Variants in ZNF584 observed in about 807,000 individuals in gnomAD.
ZNF584 encodes the protein zinc finger protein 584.
ZNF584 carries 12 observed loss-of-function variants against 14.7 expected under a neutral mutation model. That is an observed-to-expected ratio of 0.82 (90% CI 0.52 to 1.32). The LOEUF (loss-of-function observed/expected upper bound fraction) is 1.32. Ranked by LOEUF, ZNF584 falls within the 40% of genes most tolerant of loss-of-function variation. The pLI is 0.00. For synonymous variants in ZNF584, 204 were observed against 190.9 expected, an observed-to-expected ratio of 1.07 and a Z score of -0.57; for missense variants, 478 against 518.8, an observed-to-expected ratio of 0.92 and a Z score of 0.76.
chr19:58,408,871 G>T lies in ZNF584; in HGVS notation c.-277G>T. 1 of 392,760 alleles carries T rather than the reference G, an allele frequency of 2.5e-6. No individual in the cohort carries two copies. Among genetic ancestry groups the T allele is most frequent in the South Asian group, 7.0e-5 (1 of 14,196 alleles). 24.3% of individuals were successfully genotyped at this position (392,760 alleles called of 1,614,324 possible). On this transcript the variant is annotated 5_prime_UTR_variant, in exon 1 of 4. Coordinates refer to ENST00000306910, the MANE Select transcript of ZNF584 (RefSeq NM_173548.3). ...TCCCCTGCGCGAGGTGAAGGGCAGG[G>T]ACCTTTGCCGCGCCTTCCACGCGCC... is the stretch of plus-strand genomic sequence containing the variant.
Position 58,417,489 on chromosome 19 carries a change from G to C in ZNF584, c.971G>C (p.Arg324Thr). ...ILHQRVHTGE[R>T]PFECKQCGKG... ...CACCAGAGAGTTCACACTGGAGAAA[G>C]GCCTTTTGAATGCAAGCAATGTGGG... The change falls in exon 4 of 4, where the codon AGG becomes ACG. Residue 324 changes from arginine to threonine, a missense_variant. Arg to Thr is a moderately conservative substitution (Grantham distance 71). This residue lies in a region of ZNF584 where 283 missense variants were observed against 317.3 expected (regional missense o/e 0.89). Coordinates refer to ENST00000306910, the MANE Select transcript of ZNF584 (RefSeq NM_173548.3). 1 of 1,614,214 alleles carries C rather than the reference G, an allele frequency of 6.2e-7. No individual in the cohort carries two copies. Among genetic ancestry groups the C allele is most frequent in the Non-Finnish European group, 8.5e-7 (1 of 1,180,042 alleles).
upstream of ZNF584, chr19:58,404,460 A>G (rs2122185696): frequency 6.4e-6 from 1 of 156,170 alleles, no homozygotes; most frequent in Non-Finnish European, 1.4e-5. Context: ...GCCTTCAAGC[A>G]TCTGTTTAAC....
rs1599945344 is a variant in ZNF584, at chr19:58,408,805, C to T, written c.-343C>T. 3.8e-6 allele frequency: 1 copy of T among 259,776 alleles called. No homozygotes were observed. The allele number at this position is 259,776 out of a possible 1,614,324, so 16.1% of individuals were successfully genotyped here. On this transcript the variant is annotated 5_prime_UTR_variant, in exon 1 of 4. Transcript: ENST00000306910. The stretch of plus-strand genomic sequence containing the variant: ...CCTCGGCGGGAAGGCTGTCCCGGCG[C>T]CTCAGGCAGCTCTGCGTGGGCCGGG...
intron 1 of ZNF584, among the ~76,000 whole-genome samples, chr19:58,402,714 C>T (rs981525675): frequency 6.0e-5 from 9 of 149,958 alleles, no homozygotes; most frequent in African/African-American, 2.2e-4. Context: ...CCCAGCTCCT[C>T]GGGAGGCTGA....
In ZNF584 at chr19:58,415,681, C is replaced by T. The variant is rs535857232; in HGVS notation, c.292+35C>T. The T allele has an allele frequency of 1.9e-6, 3 of 1,608,286 alleles. No individual in the cohort carries two copies. In the African/African-American group the frequency reaches 4.0e-5, roughly 21 times the overall value. On this transcript the variant is annotated intron_variant, in intron 3 of 3. Coordinates refer to ENST00000306910, the MANE Select transcript of ZNF584 (RefSeq NM_173548.3). ...GTGGAGGGGAATACCTTGGTTTCAGCAGTGGGCTCACAGAATGCTGAGTAC... is the reference window on the plus strand; with the variant it reads ...GTGGAGGGGAATACCTTGGTTTCAGTAGTGGGCTCACAGAATGCTGAGTAC...
Position 58,417,679 on chromosome 19 carries a change from T to C in ZNF584, c.1161T>C (p.Cys387=), listed in dbSNP as rs2052663807. The C allele has an allele frequency of 1.2e-6, 2 of 1,614,012 alleles. No individual in the cohort carries two copies. Among genetic ancestry groups the C allele is most frequent in the Middle Eastern group, 1.6e-4 (1 of 6,062 alleles). The stretch of plus-strand genomic sequence containing the variant: ...AGAGGTCTTATGAATGTACAGAGTG[T>C]GGGAAGGCCTTCAAACATAGTTCCA... ...TEERSYECTE[C]GKAFKHSSTL... is the part of the protein sequence containing the mutation. The change falls in exon 4 of 4, where the codon TGT becomes TGC. Residue 387 remains cysteine (C), a synonymous_variant. Transcript: ENST00000306910.
At chr19:58,410,540 T>C (rs190412998) in intron 2 of ZNF584, among the ~76,000 whole-genome samples, 1,109 of 24,038 alleles carry the variant, frequency 0.046, 202 homozygotes, top group African/African-American at 0.24. Flanking sequence ...TATATATATA[T>C]ATATATATAT....
intron 2 of ZNF584, among the ~76,000 whole-genome samples, chr19:58,412,501 G>A (rs1169094269): frequency 6.6e-6 from 1 of 151,548 alleles, no homozygotes; most frequent in Non-Finnish European, 1.5e-5. Context: ...GAGCCACCAC[G>A]CCCGGCCTGG....
Position 58,417,733 on chromosome 19 carries a change from T to C in ZNF584, c.1215T>C (p.Thr405=). The C allele has an allele frequency of 3.1e-6, 5 of 1,613,852 alleles. No homozygotes were observed. The highest frequency in any genetic ancestry group is 4.2e-6 in the Non-Finnish European group (5 of 1,179,852). The change falls in exon 4 of 4, where the codon ACT becomes ACC. Residue 405 remains threonine (T), a synonymous_variant. Coordinates refer to ENST00000306910, the MANE Select transcript of ZNF584 (RefSeq NM_173548.3). ...TCCTTCAGCACAAGAAAGTCCATAC[T>C]CCAGAAAGGCGTCAGGAGGACAGGG... ...STLLQHKKVH[T]PERRQEDRAH...
chr19:58,406,344 C>CGGGGGGGGGGGGGGGGGG (rs1171489261), upstream of ZNF584: 1 of 24,394 alleles, frequency 4.1e-5, no homozygotes, highest in Non-Finnish European at 8.9e-5. Context: ...GTGGAAAGAG[C>CGGGGGGGGGGGGGGGGGG]GGGGGGGGGG....
At chr19:58,412,199 CTTTT>C (rs35188048) in intron 2 of ZNF584, among the ~76,000 whole-genome samples, 1 of 83,930 alleles carries the variant, frequency 1.2e-5, no homozygotes. Context: ...CCAGGGTGGT[CTTTT>C]TTTTTTTTTT....
intron 2 of ZNF584, among the ~76,000 whole-genome samples, chr19:58,414,593 C>T (rs532955157): frequency 6.4e-4 from 98 of 152,006 alleles, no homozygotes; most frequent in African/African-American, 2.1e-3. Flanking sequence ...CTGCCCGTCT[C>T]GGCCTCCCAA....
chr19:58,401,890 A>AAC (rs1413865562), intron 1 of ZNF584, among the ~76,000 whole-genome samples: 1 of 143,628 alleles, frequency 7.0e-6, no homozygotes, highest in Non-Finnish European at 1.5e-5. Context: ...CTCCTCAAAA[A>AAC]AAAAAAAAAA....
At position 58,417,509 on chromosome 19, in the gene ZNF584, T is replaced by C. The variant is rs1296149756; in HGVS notation, c.991T>C (p.Cys331Arg). Residue 331 changes from cysteine (C) to arginine (R), a missense_variant, in exon 4 of 4, where the codon TGT becomes CGT. By Grantham distance (180) the Cys-to-Arg change is radical. Coordinates refer to ENST00000306910, the MANE Select transcript of ZNF584 (RefSeq NM_173548.3). Reference sequence around the variant, plus strand: ...AGAAAGGCCTTTTGAATGCAAGCAATGTGGGAAAGGCTACGTGACCCGTTC... The same window carrying C: ...AGAAAGGCCTTTTGAATGCAAGCAACGTGGGAAAGGCTACGTGACCCGTTC... ...TGERPFECKQ[C>R]GKGYVTRSGL... 3 of 1,614,030 alleles carry C rather than the reference T, an allele frequency of 1.9e-6. No homozygotes were observed. The highest frequency in any genetic ancestry group is 1.3e-5 in the African/African-American group (1 of 74,916).
Position 58,417,182 on chromosome 19 carries a change from G to A in ZNF584, c.664G>A (p.Ala222Thr), listed in dbSNP as rs762288947. The change falls in exon 4 of 4, where the codon GCC becomes ACC. Residue 222 changes from alanine (A) to threonine (T), a missense_variant. By Grantham distance (58) the Ala-to-Thr change is moderately conservative. Around this residue, in one of 3 missense-constraint regions of ZNF584, gnomAD observed 283 missense variants for 317.3 expected, o/e 0.89. Transcript: ENST00000306910. ...CCATGTGTGTAATGAATGTGGGAAG[G>A]CCTTCAGTTACCCGTCTAAGCTGAG... ...TAHVCNECGK[A>T]FSYPSKLRKH... 12 of 1,613,606 alleles carry A rather than the reference G, an allele frequency of 7.4e-6. No homozygotes were observed. The African/African-American group carries it at 1.2e-4, about 16-fold the overall frequency.
rs764729900 is a variant in ZNF584, at chr19:58,417,167, A to T, written c.649A>T (p.Asn217Tyr). The change falls in exon 4 of 4, where the codon AAT becomes TAT. Residue 217 changes from asparagine to tyrosine, a missense_variant. By Grantham distance (143) the Asn-to-Tyr change is moderately radical. Around this residue, in one of 3 missense-constraint regions of ZNF584, gnomAD observed 283 missense variants for 317.3 expected, o/e 0.89. Coordinates refer to ENST00000306910, the MANE Select transcript of ZNF584 (RefSeq NM_173548.3). ...IHTGETAHVC[N>Y]ECGKAFSYPS... ...CACTGGAGAAACAGCCCATGTGTGTAATGAATGTGGGAAGGCCTTCAGTTA... is the reference window on the plus strand; with the variant it reads ...CACTGGAGAAACAGCCCATGTGTGTTATGAATGTGGGAAGGCCTTCAGTTA... 9 of 1,613,634 alleles carry T rather than the reference A, an allele frequency of 5.6e-6. No homozygotes were observed. In the South Asian group the frequency reaches 9.9e-5, roughly 18 times the overall value.
chr19:58,415,087 G>A lies in ZNF584; in HGVS notation c.170-437G>A, dbSNP rs777846262. ...TTTTTGTATTTTTAGTAGAAGGGGG[G>A]TTTCACCGTGTTAGCCAGGATAGTC... On this transcript the variant is annotated intron_variant, in intron 2 of 3. Coordinates refer to ENST00000306910, the MANE Select transcript of ZNF584 (RefSeq NM_173548.3). Among the ~76,000 whole-genome samples the A allele has an allele frequency of 2.6e-5, 4 of 151,972 alleles. No homozygotes were observed. In the South Asian group the frequency reaches 8.3e-4, roughly 32 times the overall value.
At chr19:58,404,009 G>A (rs2052447570), upstream of ZNF584, among the ~76,000 whole-genome samples, 1 of 151,210 alleles carries the variant, frequency 6.6e-6, no homozygotes, top group Non-Finnish European at 1.5e-5. Context: ...ATGAAGTAGT[G>A]CCAGGAAAAA....
At chr19:58,408,499 A>T (rs28462379), upstream of ZNF584, 2 of 151,048 alleles carry the variant, frequency 1.3e-5, no homozygotes, top group East Asian at 3.8e-4. Context: ...CCGAAAGCCG[A>T]CGCCGGAAGC....
Sources: allele counts gnomAD v4.1 joint callset (sites outside exome capture counted in the v4.1 genomes callset), GRCh38; gene constraint gnomAD v4.1.1; regional missense constraint gnomAD v4.1.1; transcripts MANE v1.5; gene names NCBI Gene and HGNC (gene_info 2026-07-23, HGNC 2026-07-21).